ADGRL3: variants seen among roughly 807,000 people sequenced by gnomAD.
ADGRL3 encodes adhesion G protein-coupled receptor L3, also known as calcium-independent alpha-latrotoxin receptor 3.
Under a neutral mutation model 153.5 loss-of-function variants are expected in ADGRL3, and 62 were observed. The observed-to-expected ratio is 0.40, with a 90% CI of 0.33 to 0.50. The LOEUF (loss-of-function observed/expected upper bound fraction) is 0.50, where lower values mean the gene tolerates loss of function less well. ADGRL3 is among the 20% of genes least tolerant of loss of function. The pLI, the probability that ADGRL3 is intolerant of heterozygous loss-of-function variation, is 0.47. For synonymous variants in ADGRL3, 710 were observed against 672.5 expected, an observed-to-expected ratio of 1.06 and a Z score of -0.86; for missense variants, 1,641 against 1,859.4, an observed-to-expected ratio of 0.88 and a Z score of 2.16.
At chr4:61,593,075 T>G (rs1459443401) in intron 5 of ADGRL3, among the ~76,000 whole-genome samples, 1 of 152,178 alleles carries the variant, frequency 6.6e-6, no homozygotes, top group Non-Finnish European at 1.5e-5. Flanking sequence ...TTTAAACCGA[T>G]GACAACTTAA....
chr4:61,907,946 A>C (rs934098766), intron 11 of ADGRL3, among the ~76,000 whole-genome samples: 87 of 152,234 alleles, frequency 5.7e-4, no homozygotes, highest in African/African-American at 2.0e-3. Context: ...CCTCACTCAA[A>C]ATGGAGTTAC....
At chr4:61,552,995 C>T (rs1197468302) in intron 4 of ADGRL3, among the ~76,000 whole-genome samples, 1 of 152,140 alleles carries the variant, frequency 6.6e-6, no homozygotes, top group Non-Finnish European at 1.5e-5. Flanking sequence ...TACTATCAAT[C>T]TCCACCTAGT....
chr4:61,599,904 A>G (rs2099004069), intron 5 of ADGRL3, among the ~76,000 whole-genome samples: 1 of 152,200 alleles, frequency 6.6e-6, no homozygotes. Context: ...AATTTTCTGA[A>G]CTAGTTCATT....
intron 6 of ADGRL3, among the ~76,000 whole-genome samples, chr4:61,708,341 G>T (rs902563388): frequency 6.6e-6 from 1 of 151,962 alleles, no homozygotes; most frequent in East Asian, 1.9e-4. Flanking sequence ...TAGTTGCTAC[G>T]TTTTTTGGTT....
chr4:62,008,461 A>G (rs1000442727), intron 21 of ADGRL3, among the ~76,000 whole-genome samples: 1 of 152,116 alleles, frequency 6.6e-6, no homozygotes, highest in Admixed American at 6.6e-5. Context: ...TGATAAAATT[A>G]TGACTGAGAC....
rs754573668 is a variant in ADGRL3, at chr4:62,011,542, C to A, written c.3395+13277C>A. Among the ~76,000 whole-genome samples, 5 of 152,024 alleles carry A rather than the reference C, an allele frequency of 3.3e-5. No individual in the cohort carries two copies. The South Asian group carries it at 1.0e-3, about 32-fold the overall frequency. ...CTTCAGAGAGAAAGGTCAGAGAATT[C>A]TTTTATGGTCTATTTCAGAGGAGAA... On this transcript the variant is annotated intron_variant, in intron 21 of 26. Coordinates refer to ENST00000683033, the MANE Select transcript of ADGRL3 (RefSeq NM_001387552.1).
At chr4:61,549,410 A>G (rs527592884) in intron 4 of ADGRL3, among the ~76,000 whole-genome samples, 12 of 152,022 alleles carry the variant, frequency 7.9e-5, no homozygotes, top group South Asian at 2.1e-4. Context: ...TTCAAGGGGA[A>G]TGCTTTCAGC....
chr4:61,627,145 A>T (rs1000983190), intron 5 of ADGRL3, among the ~76,000 whole-genome samples: 18 of 152,302 alleles, frequency 1.2e-4, no homozygotes, highest in African/African-American at 3.6e-4. Flanking sequence ...TGAATCATGA[A>T]ACGTTGTATT....
In ADGRL3 at chr4:61,435,415, A is replaced by T. The variant is rs894286749; in HGVS notation, c.-174+52226A>T. ...CTTCCTAATCCTCTGCTTAAATTTG[A>T]ACTTCCACCAGAAGCGTATGGATTC... On this transcript the variant is annotated intron_variant, in intron 2 of 26. Transcript: ENST00000683033. 4.1e-4 allele frequency among the ~76,000 whole-genome samples: 63 copies of T among 152,222 alleles called. 1 individual carries two copies. The highest frequency in any genetic ancestry group is 1.5e-3 in the African/African-American group (61 of 41,574).
In ADGRL3 at chr4:61,895,736, T is replaced by C; in HGVS notation, c.1789T>C (p.Ser597Pro). The C allele has an allele frequency of 6.4e-7, 1 of 1,573,224 alleles. No homozygotes were observed. Among genetic ancestry groups the C allele is most frequent in the Non-Finnish European group, 8.7e-7 (1 of 1,150,862 alleles). The change falls in exon 11 of 27, where the codon TCA (serine) becomes CCA (proline). Residue 597 changes from serine to proline, a missense_variant. This residue lies in a region of ADGRL3 where 734 missense variants were observed against 797.0 expected (regional missense o/e 0.92). Coordinates refer to ENST00000683033, the MANE Select transcript of ADGRL3 (RefSeq NM_001387552.1). ...QPCPAGTIGVSTYLCLAPDGI... is the reference protein window; with the variant it reads ...QPCPAGTIGVPTYLCLAPDGI... Reference sequence around the variant, plus strand: ...CATTTCTCTCATTATTACAGGTGTATCAACTTATCTATGCCTTGCTCCTGA... The same window carrying C: ...CATTTCTCTCATTATTACAGGTGTACCAACTTATCTATGCCTTGCTCCTGA...
At chr4:61,499,544 A>T (rs967750506) in intron 3 of ADGRL3, among the ~76,000 whole-genome samples, 1 of 152,204 alleles carries the variant, frequency 6.6e-6, no homozygotes, top group African/African-American at 2.4e-5. Flanking sequence ...TTGAGAATAA[A>T]ATAAATAGCA....
At chr4:61,490,952 T>A (rs990154958) in intron 2 of ADGRL3, among the ~76,000 whole-genome samples, 1 of 152,116 alleles carries the variant, frequency 6.6e-6, no homozygotes, top group Admixed American at 6.6e-5. Context: ...ATAGCTAAAA[T>A]TTACAAAACA....
intron 4 of ADGRL3, among the ~76,000 whole-genome samples, chr4:61,552,616 A>T (rs2098745350): frequency 6.6e-6 from 1 of 152,026 alleles, no homozygotes; most frequent in Non-Finnish European, 1.5e-5. Flanking sequence ...GGTGTGTGCC[A>T]CCATGCTTGG....
In ADGRL3 at chr4:61,229,752, A is replaced by G. The variant is rs539638095; in HGVS notation, c.-240+27987A>G. 9.9e-5 allele frequency among the ~76,000 whole-genome samples: 15 copies of G among 152,066 alleles called. 1 individual carries two copies. In the South Asian group the frequency reaches 3.1e-3, roughly 32 times the overall value. On this transcript the variant is annotated intron_variant, in intron 1 of 26. Coordinates refer to ENST00000683033, the MANE Select transcript of ADGRL3 (RefSeq NM_001387552.1). ...GATCCTAGCTCTACAAAACATTTTT[A>G]AAAAATTAGCTCTGTGTGGTGGCAT...
At chr4:61,379,717 C>T (rs1430203886) in intron 1 of ADGRL3, among the ~76,000 whole-genome samples, 1 of 151,986 alleles carries the variant, frequency 6.6e-6, no homozygotes, top group Non-Finnish European at 1.5e-5. Flanking sequence ...AACATATTTT[C>T]CATCTTAATT....
At chr4:61,734,076 T>G (rs1443317689) in intron 8 of ADGRL3, among the ~76,000 whole-genome samples, 1 of 152,186 alleles carries the variant, frequency 6.6e-6, no homozygotes, top group East Asian at 1.9e-4. Flanking sequence ...AATTTGTATG[T>G]TGAGAAAAAT....
intron 8 of ADGRL3, among the ~76,000 whole-genome samples, chr4:61,753,081 G>A (rs1406682188): frequency 6.6e-6 from 1 of 152,036 alleles, no homozygotes; most frequent in East Asian, 1.9e-4. Flanking sequence ...CATTGAAATA[G>A]TCTGTCAGTC....
chr4:61,674,362 C>T (rs914386915), intron 5 of ADGRL3, among the ~76,000 whole-genome samples: 1 of 151,482 alleles, frequency 6.6e-6, no homozygotes, highest in African/African-American at 2.4e-5. Context: ...CTGTTTATAT[C>T]GTACATTGAT....
chr4:61,524,942 A>G (rs1339340937), intron 4 of ADGRL3, among the ~76,000 whole-genome samples: 1 of 152,094 alleles, frequency 6.6e-6, no homozygotes, highest in Non-Finnish European at 1.5e-5. Context: ...GTAACTGAAC[A>G]TTGATTATAA....
Sources: gnomAD v4.1 joint callset for allele counts (sites outside exome capture counted in the v4.1 genomes callset) on GRCh38, gnomAD v4.1.1 for gene constraint, gnomAD v4.1.1 regional missense constraint, MANE v1.5 for transcripts, NCBI Gene and HGNC (gene_info 2026-07-23, HGNC 2026-07-21) for gene names.